The following ZBBX variants were observed in gnomAD, a reference collection of about 807,000 sequenced individuals.
The protein encoded by ZBBX is zinc finger B-box domain containing, also known as zinc finger B-box domain-containing protein 1.
ZBBX carries 101 observed loss-of-function variants against 108.5 expected under a neutral mutation model. That is an observed-to-expected ratio of 0.93 (90% CI 0.79 to 1.10). The LOEUF (loss-of-function observed/expected upper bound fraction) is 1.10, where lower values mean the gene tolerates loss of function less well. Among genes scored for constraint, ZBBX ranks in the 50% least tolerant of loss-of-function variants. The pLI is 0.00. For missense variants in ZBBX, 1,009 were observed against 941.4 expected (o/e 1.07, Z -0.94); for synonymous variants, 356 against 323.4 (o/e 1.10, Z -1.08).
chr3:167,363,826 A>G (rs1159786632), intron 6 of ZBBX, among the ~76,000 whole-genome samples: 2 of 152,026 alleles, frequency 1.3e-5, no homozygotes, highest in Admixed American at 6.6e-5. Context: ...CTACTCTCTT[A>G]TTTAATATTG....
chr3:167,209,332 T>C, the ZBBX span, among the ~76,000 whole-genome samples: 1 of 152,014 alleles, frequency 6.6e-6, no homozygotes, highest in Non-Finnish European at 1.5e-5. Flanking sequence ...GTCCCAGTGC[T>C]GGTGGCCACA....
At position 167,273,442 on chromosome 3, in the gene ZBBX, G is replaced by C. The variant is rs183799681; in HGVS notation, c.2254+8796C>G. On this transcript the variant is annotated intron_variant, in intron 20 of 21. Coordinates refer to ENST00000675490, the MANE Select transcript of ZBBX (RefSeq NM_001199201.2). ...ACAAATTGTGGCAAGCTCTCTCTCTGCTATATCCCAAAGTGCAACACCCTG... is the reference window on the plus strand; with the variant it reads ...ACAAATTGTGGCAAGCTCTCTCTCTCCTATATCCCAAAGTGCAACACCCTG... Among the ~76,000 whole-genome samples, 490 of 152,180 alleles carry C rather than the reference G, an allele frequency of 3.2e-3. 4 individuals are homozygous for C. The highest frequency in any genetic ancestry group is 6.3e-3 in the Admixed American group (97 of 15,294).
intron 5 of ZBBX, among the ~76,000 whole-genome samples, chr3:167,366,641 A>G (rs1230050401): frequency 6.6e-6 from 1 of 151,910 alleles, no homozygotes; most frequent in Non-Finnish European, 1.5e-5. Flanking sequence ...CTGGCTAGTG[A>G]GTGGCAGGTT....
chr3:167,290,283 C>T (rs772192638), intron 18 of ZBBX, among the ~76,000 whole-genome samples: 1 of 152,188 alleles, frequency 6.6e-6, no homozygotes, highest in Non-Finnish European at 1.5e-5. Flanking sequence ...CAGAGGCCGA[C>T]AGACACCTCT....
chr3:167,330,113 C>T (rs1404292988), intron 10 of ZBBX, among the ~76,000 whole-genome samples: 1 of 151,970 alleles, frequency 6.6e-6, no homozygotes, highest in Non-Finnish European at 1.5e-5. Flanking sequence ...AAAGTCTTTT[C>T]ACATCCAATA....
At chr3:167,182,210 A>G in the ZBBX span, among the ~76,000 whole-genome samples, 1 of 152,178 alleles carries the variant, frequency 6.6e-6, no homozygotes, top group African/African-American at 2.4e-5. Flanking sequence ...ACCCACTTTC[A>G]GTCCTGCTAT....
At position 167,373,163 on chromosome 3, in the gene ZBBX, CA is replaced by C. The variant is rs535594280; in HGVS notation, c.-49-214del. 2.2e-3 allele frequency among the ~76,000 whole-genome samples: 333 copies of C among 152,014 alleles called. 1 individual carries two copies. Among genetic ancestry groups the C allele is most frequent in the Non-Finnish European group, 3.7e-3 (251 of 67,946 alleles). ...ATCAAAAATATTAGAATAAAAAATA[CA>C]AAAAAAGTACAACTATTTACATAGC... On this transcript the variant is annotated intron_variant, in intron 3 of 21. Transcript: ENST00000675490.
At chr3:167,292,110 A>G (rs1560080901) in intron 18 of ZBBX, among the ~76,000 whole-genome samples, 1 of 152,120 alleles carries the variant, frequency 6.6e-6, no homozygotes, top group African/African-American at 2.4e-5. Context: ...ATAGTGGGAG[A>G]CTTTAACACC....
rs1322021163 is a variant in ZBBX, at chr3:167,305,963, C to A, written c.1418-13G>T. On this transcript the variant is annotated splice_polypyrimidine_tract_variant and intron_variant, in intron 16 of 21. Transcript: ENST00000675490. ...TTTGAAGTTTCTGCTGTTAAAAACACACAGTTACAAAAGGTACATAAATAA... is the reference window on the plus strand; with the variant it reads ...TTTGAAGTTTCTGCTGTTAAAAACAAACAGTTACAAAAGGTACATAAATAA... The A allele has an allele frequency of 8.0e-6, 12 of 1,493,266 alleles. No homozygotes were observed. In the South Asian group the frequency reaches 1.4e-4, roughly 18 times the overall value. 92.5% of individuals were successfully genotyped at this position (1,493,266 alleles called of 1,614,324 possible). A position where few individuals can be genotyped will look rare whatever the true frequency, so the allele number is the denominator to read the frequency against.
intron 20 of ZBBX, among the ~76,000 whole-genome samples, chr3:167,275,820 G>T (rs970340499): frequency 2.7e-5 from 4 of 149,966 alleles, no homozygotes; most frequent in Non-Finnish European, 2.9e-5. Flanking sequence ...TCCACCTCTG[G>T]GGGCAGGGCA....
At chr3:167,223,067 T>C in the ZBBX span, among the ~76,000 whole-genome samples, 2 of 151,902 alleles carry the variant, frequency 1.3e-5, no homozygotes, top group African/African-American at 4.8e-5. Flanking sequence ...TGTACAAATA[T>C]TCATATCAAT....
chr3:167,206,234 A>AT, the ZBBX span, among the ~76,000 whole-genome samples: 9 of 151,914 alleles, frequency 5.9e-5, no homozygotes, highest in Non-Finnish European at 1.3e-4. Flanking sequence ...ATCATATAGT[A>AT]TTTTTCCTTC....
intron 6 of ZBBX, among the ~76,000 whole-genome samples, chr3:167,361,433 G>A (rs994241511): frequency 2.0e-5 from 3 of 152,082 alleles, no homozygotes; most frequent in Admixed American, 6.6e-5. Context: ...AGGATGGTGT[G>A]CATTTATATA....
At chr3:167,250,047 A>T (rs1384778310) in intron 20 of ZBBX, among the ~76,000 whole-genome samples, 1 of 152,150 alleles carries the variant, frequency 6.6e-6, no homozygotes, top group Admixed American at 6.5e-5. Flanking sequence ...AGCGGCCTTG[A>T]CAAAGCACAC....
downstream of ZBBX, among the ~76,000 whole-genome samples, chr3:167,237,707 G>T (rs1395142898): frequency 2.6e-5 from 4 of 151,938 alleles, no homozygotes; most frequent in Non-Finnish European, 5.9e-5. Flanking sequence ...AGGGGGCCTA[G>T]TCTACGCTGC....
chr3:167,234,547 G>C, the ZBBX span, among the ~76,000 whole-genome samples: 1 of 151,856 alleles, frequency 6.6e-6, no homozygotes, highest in Non-Finnish European at 1.5e-5. Flanking sequence ...GATTATATAA[G>C]AAACTGGGTG....
intron 6 of ZBBX, 81 bp downstream of exon 6, chr3:167,365,805 G>C: frequency 1.1e-6 from 1 of 916,366 alleles, no homozygotes; most frequent in East Asian, 2.6e-5. Context: ...ATATTCCTGA[G>C]TATAGAAGAA....
At chr3:167,400,811 G>C (rs958975284) in intron 1 of ZBBX, among the ~76,000 whole-genome samples, 1 of 152,166 alleles carries the variant, frequency 6.6e-6, no homozygotes, top group Admixed American at 6.5e-5. Flanking sequence ...ACTCCAAGCA[G>C]GGAAGGGGCT....
At chr3:167,250,799 G>C (rs1203002507) in intron 20 of ZBBX, among the ~76,000 whole-genome samples, 1 of 152,096 alleles carries the variant, frequency 6.6e-6, no homozygotes, top group Non-Finnish European at 1.5e-5. Context: ...GCAGGTCCCT[G>C]GCTAGGGCTC....
Sources: gnomAD v4.1 joint callset for allele counts (sites outside exome capture counted in the v4.1 genomes callset) on GRCh38, gnomAD v4.1.1 for gene constraint, MANE v1.5 for transcripts, NCBI Gene and HGNC (gene_info 2026-07-23, HGNC 2026-07-21) for gene names.